Variants in DYNC1I1 observed in about 807,000 individuals in gnomAD.
DYNC1I1 encodes dynein cytoplasmic 1 intermediate chain 1.
In DYNC1I1, 43 loss-of-function variants were observed where a neutral mutation model predicts 86.6. The observed-to-expected ratio is 0.50, with a 90% CI of 0.39 to 0.64. The LOEUF is 0.64. DYNC1I1 is among the 30% of genes least tolerant of loss of function. DYNC1I1 has a pLI of 0.00. For synonymous variants in DYNC1I1, 262 were observed against 283.7 expected (o/e 0.92, Z 0.77); for missense variants, 604 against 788.8 (o/e 0.77, Z 2.81).
intron 1 of DYNC1I1, among the ~76,000 whole-genome samples, chr7:95,785,801 A>G (rs554144761): frequency 3.3e-4 from 41 of 125,540 alleles, no homozygotes; most frequent in African/African-American, 8.8e-4. Flanking sequence ...ATATATATAT[A>G]TATATATATA....
chr7:95,807,049 A>T (rs181277600), intron 2 of DYNC1I1, among the ~76,000 whole-genome samples: 1 of 152,156 alleles, frequency 6.6e-6, no homozygotes, highest in East Asian at 1.9e-4. Context: ...ATTCAAGAGG[A>T]TAATAGAAGA....
Position 95,905,713 on chromosome 7 carries a change from T to C in DYNC1I1, c.490+35715T>C, listed in dbSNP as rs559151430. 3.3e-5 allele frequency among the ~76,000 whole-genome samples: 5 copies of C among 152,046 alleles called. No homozygotes were observed. In the East Asian group the frequency reaches 9.7e-4, roughly 29 times the overall value. ...CATTGTGTCTGGGCTTTTTTTTTTT[T>C]CATAGATGGCATTTCATTATCCTGT... On this transcript the variant is annotated intron_variant, in intron 6 of 16. Transcript: ENST00000447467.
chr7:96,004,567 GATAA>G (rs1794094201), intron 10 of DYNC1I1, among the ~76,000 whole-genome samples: 1 of 151,716 alleles, frequency 6.6e-6, no homozygotes, highest in Non-Finnish European at 1.5e-5. Flanking sequence ...AAATGTTCAT[GATAA>G]ATATAGTCTT....
At chr7:95,864,278 C>T (rs994690323) in intron 5 of DYNC1I1, among the ~76,000 whole-genome samples, 4 of 152,142 alleles carry the variant, frequency 2.6e-5, no homozygotes, top group African/African-American at 9.7e-5. Context: ...TCTTGTGATT[C>T]ATAATGTCCA....
At chr7:96,094,763 A>G (rs1162907254) in intron 16 of DYNC1I1, among the ~76,000 whole-genome samples, 2 of 152,208 alleles carry the variant, frequency 1.3e-5, no homozygotes, top group Non-Finnish European at 2.9e-5. Context: ...TTTACAGTCA[A>G]CAAGATGAAA....
At chr7:96,108,726 G>A (rs1379032130) in intron 16 of DYNC1I1, among the ~76,000 whole-genome samples, 1 of 151,976 alleles carries the variant, frequency 6.6e-6, no homozygotes, top group Non-Finnish European at 1.5e-5. Context: ...ACCGGGTGTG[G>A]TGGTGGGTGC....
chr7:96,063,712 A>G (rs1007622367), intron 14 of DYNC1I1, among the ~76,000 whole-genome samples: 1 of 152,228 alleles, frequency 6.6e-6, no homozygotes, highest in Non-Finnish European at 1.5e-5. Context: ...TCCACAAACA[A>G]CAGTCTCATA....
At chr7:96,044,456 C>CTT (rs915257709) in intron 14 of DYNC1I1, among the ~76,000 whole-genome samples, 1 of 145,822 alleles carries the variant, frequency 6.9e-6, no homozygotes, top group African/African-American at 2.5e-5. Context: ...GTTTTCTTTC[C>CTT]TTTTTTTTTT....
chr7:96,079,950 T>C (rs1790462345), intron 15 of DYNC1I1, among the ~76,000 whole-genome samples: 1 of 152,192 alleles, frequency 6.6e-6, no homozygotes, highest in Admixed American at 6.5e-5. Flanking sequence ...ACACCTGCTT[T>C]CTGCCTTTTT....
At chr7:95,913,898 C>T (rs969956362) in intron 6 of DYNC1I1, among the ~76,000 whole-genome samples, 3 of 152,192 alleles carry the variant, frequency 2.0e-5, no homozygotes, top group Non-Finnish European at 4.4e-5. Flanking sequence ...GAGGTAGCCC[C>T]ATCCTCATCC....
chr7:95,806,318 T>C (rs184645207), intron 2 of DYNC1I1, among the ~76,000 whole-genome samples: 3 of 152,306 alleles, frequency 2.0e-5, no homozygotes, highest in Admixed American at 2.0e-4. Context: ...GGAAATTTGG[T>C]TCCAAATTAT....
intron 14 of DYNC1I1, among the ~76,000 whole-genome samples, chr7:96,061,115 T>A (rs916941710): frequency 6.6e-6 from 1 of 152,158 alleles, no homozygotes; most frequent in Admixed American, 6.5e-5. Context: ...AACAAAGGCT[T>A]GGAGACCAGA....
At chr7:95,840,796 T>C (rs980201315) in intron 5 of DYNC1I1, among the ~76,000 whole-genome samples, 2 of 152,102 alleles carry the variant, frequency 1.3e-5, no homozygotes, top group African/African-American at 4.8e-5. Flanking sequence ...GGTACTAGAG[T>C]ATGCTAAACC....
intron 6 of DYNC1I1, among the ~76,000 whole-genome samples, chr7:95,922,945 C>A (rs1791649340): frequency 6.6e-6 from 1 of 152,022 alleles, no homozygotes; most frequent in South Asian, 2.1e-4. Flanking sequence ...AAACTTCTCT[C>A]CTGACCCTAT....
chr7:95,782,271 A>G (rs1292940011), intron 1 of DYNC1I1, among the ~76,000 whole-genome samples: 1 of 152,194 alleles, frequency 6.6e-6, no homozygotes. Flanking sequence ...TTTCGTAATA[A>G]ACTCAAATGA....
chr7:95,977,740 A>G (rs1304655292), intron 7 of DYNC1I1, 139 bp downstream of exon 7: 1 of 638,606 alleles, frequency 1.6e-6, no homozygotes, highest in Non-Finnish European at 2.5e-6. Flanking sequence ...TGTTCAATAC[A>G]TTACATTTAG....
chr7:95,985,506 A>G (rs903035000), intron 8 of DYNC1I1, among the ~76,000 whole-genome samples: 12 of 152,130 alleles, frequency 7.9e-5, no homozygotes, highest in African/African-American at 2.2e-4. Flanking sequence ...GCAAAACAAA[A>G]CTAATCAATA....
intron 9 of DYNC1I1, among the ~76,000 whole-genome samples, chr7:95,991,729 C>T (rs541145474): frequency 1.3e-5 from 2 of 152,134 alleles, no homozygotes; most frequent in Non-Finnish European, 2.9e-5. Flanking sequence ...TCCTGCACCC[C>T]TCTTTGGACT....
rs369426016 is a variant in DYNC1I1 at position 96,109,178 on chromosome 7, T to G, written c.1543-801T>G. Among the ~76,000 whole-genome samples, 7 of 152,134 alleles carry G rather than the reference T, an allele frequency of 4.6e-5. No homozygotes were observed. In the East Asian group the frequency reaches 1.2e-3, roughly 25 times the overall value. ...CTTTTCAAAGAATTGGATTTTTGAT[T>G]TTATTGTTTCTTATTTTCCTGCTTT... On this transcript the variant is annotated intron_variant, in intron 16 of 16. Transcript: ENST00000537881.
Sources: gnomAD v4.1 joint callset for allele counts (sites outside exome capture counted in the v4.1 genomes callset) on GRCh38, gnomAD v4.1.1 for gene constraint, MANE v1.5 for transcripts, NCBI Gene and HGNC (gene_info 2026-07-23, HGNC 2026-07-21) for gene names.